The following STARD13 variants were observed in gnomAD, a reference collection of about 807,000 sequenced individuals.
The protein encoded by STARD13 is StAR related lipid transfer domain containing 13, also known as stAR-related lipid transfer protein 13.
Under a neutral mutation model 106.4 loss-of-function variants are expected in STARD13, and 62 were observed. The ratio of observed to expected loss-of-function variants is 0.58; its 90% CI spans 0.48 to 0.72. The LOEUF (loss-of-function observed/expected upper bound fraction) is 0.72. Among genes scored for constraint, STARD13 ranks in the 30% least tolerant of loss-of-function variants. The pLI is 0.00. For missense variants in STARD13, 1,387 were observed against 1,424.0 expected (o/e 0.97, Z 0.42); for synonymous variants, 565 against 553.0 (o/e 1.02, Z -0.31).
chr13:33,506,164 G>A, the STARD13 span, among the ~76,000 whole-genome samples: 51 of 152,208 alleles, frequency 3.4e-4, no homozygotes, highest in African/African-American at 1.1e-3. Flanking sequence ...CAATGCCTGA[G>A]TACATATTTT....
chr13:33,131,435 A>ATT (rs34709429), intron 4 of STARD13, among the ~76,000 whole-genome samples: 18 of 143,386 alleles, frequency 1.3e-4, no homozygotes, highest in African/African-American at 4.6e-4. Flanking sequence ...GAATCATATG[A>ATT]TTTTTTTTTT....
intron 1 of STARD13, among the ~76,000 whole-genome samples, chr13:33,265,167 A>G (rs1566106816): frequency 1.3e-5 from 2 of 152,298 alleles, no homozygotes; most frequent in East Asian, 3.9e-4. Flanking sequence ...GCAGCTAGAG[A>G]TTCAGAATCT....
At chr13:33,646,643 T>C in the STARD13 span, among the ~76,000 whole-genome samples, 1,305 of 152,248 alleles carry the variant, frequency 8.6e-3, 16 homozygotes, top group African/African-American at 0.03. Flanking sequence ...GAATCAAAGC[T>C]GTCATTTTGC....
chr13:33,206,366 A>AACAC (rs59306930), intron 1 of STARD13, among the ~76,000 whole-genome samples: 2,671 of 149,546 alleles, frequency 0.018, 29 homozygotes, highest in Middle Eastern at 0.028. Context: ...CCATGACTGA[A>AACAC]ACACACACAC....
the STARD13 span, among the ~76,000 whole-genome samples, chr13:33,439,399 A>G: frequency 2.6e-5 from 4 of 152,254 alleles, no homozygotes; most frequent in African/African-American, 7.2e-5. Context: ...TACAAGGTAC[A>G]TTTCAAGATA....
At chr13:33,445,391 G>A in the STARD13 span, among the ~76,000 whole-genome samples, 2 of 152,056 alleles carry the variant, frequency 1.3e-5, no homozygotes, top group South Asian at 2.1e-4. Flanking sequence ...ACTGGATAAT[G>A]TCTAAGTAAC....
intron 1 of STARD13, among the ~76,000 whole-genome samples, chr13:33,282,231 C>CTCTG (rs1374398537): frequency 6.6e-6 from 1 of 152,130 alleles, no homozygotes. Flanking sequence ...TAAACTTTCA[C>CTCTG]TCTGCAAAAC....
chr13:33,562,713 G>A, the STARD13 span, among the ~76,000 whole-genome samples: 5 of 146,224 alleles, frequency 3.4e-5, 1 homozygote, highest in African/African-American at 1.0e-4. Flanking sequence ...GGAAAAGAAC[G>A]ATCTTACCTA....
chr13:33,493,163 C>T, the STARD13 span, among the ~76,000 whole-genome samples: 2 of 152,154 alleles, frequency 1.3e-5, no homozygotes, highest in Admixed American at 1.3e-4. Context: ...GGTGGAACAG[C>T]TAAAAAGTTT....
intron 1 of STARD13, among the ~76,000 whole-genome samples, chr13:33,299,580 A>G (rs1177082745): frequency 6.6e-6 from 1 of 152,212 alleles, no homozygotes; most frequent in Non-Finnish European, 1.5e-5. Context: ...TAATTTCTCA[A>G]ACCTGGGCCT....
chr13:33,484,523 G>T, the STARD13 span, among the ~76,000 whole-genome samples: 2 of 152,032 alleles, frequency 1.3e-5, no homozygotes. Context: ...AGCAAACTCA[G>T]TGCAGGAAAA....
At chr13:33,365,845 T>C in the STARD13 span, among the ~76,000 whole-genome samples, 6 of 152,322 alleles carry the variant, frequency 3.9e-5, no homozygotes, top group East Asian at 1.9e-4. Context: ...ACTTGAGCCA[T>C]TAATTGCTGC....
upstream of STARD13, among the ~76,000 whole-genome samples, chr13:33,354,977 T>G (rs113141989): frequency 2.0e-3 from 300 of 152,202 alleles, 1 homozygote; most frequent in African/African-American, 6.5e-3. Flanking sequence ...GTGAGCATTT[T>G]TCCAATGTAT....
At chr13:33,464,150 C>T in the STARD13 span, among the ~76,000 whole-genome samples, 2,463 of 151,294 alleles carry the variant, frequency 0.016, 70 homozygotes, top group African/African-American at 0.054. Flanking sequence ...ATTTTTACTT[C>T]AAAGTAAGCC....
the STARD13 span, among the ~76,000 whole-genome samples, chr13:33,484,077 C>G: frequency 1.3e-5 from 2 of 152,106 alleles, no homozygotes; most frequent in African/African-American, 4.8e-5. Context: ...GAAGTTATAA[C>G]AGTGAGAAAA....
chr13:33,351,476 C>T (rs1359475544), upstream of STARD13, among the ~76,000 whole-genome samples: 1 of 152,136 alleles, frequency 6.6e-6, no homozygotes, highest in East Asian at 1.9e-4. Context: ...ACTTCCTGGA[C>T]TTCAACTCAT....
chr13:33,648,528 T>A, the STARD13 span, among the ~76,000 whole-genome samples: 1 of 152,232 alleles, frequency 6.6e-6, no homozygotes, highest in Non-Finnish European at 1.5e-5. Flanking sequence ...TGGCATAGTA[T>A]GGAAAGGATT....
At chr13:33,195,782 C>T (rs1273200283) in intron 1 of STARD13, among the ~76,000 whole-genome samples, 1 of 152,134 alleles carries the variant, frequency 6.6e-6, no homozygotes, top group Non-Finnish European at 1.5e-5. Context: ...TCAAATCTGT[C>T]TCTCTTTCTT....
chr13:33,390,614 C>T, the STARD13 span, among the ~76,000 whole-genome samples: 22 of 152,168 alleles, frequency 1.4e-4, no homozygotes, highest in African/African-American at 4.8e-4. Context: ...AAATATAACT[C>T]AGGACACACA....
Sources: allele counts gnomAD v4.1 joint callset (sites outside exome capture counted in the v4.1 genomes callset), GRCh38; gene constraint gnomAD v4.1.1; transcripts MANE v1.5; gene names NCBI Gene and HGNC (gene_info 2026-07-23, HGNC 2026-07-21).